The following SERGEF variants were observed in gnomAD, a reference collection of about 807,000 sequenced individuals.
SERGEF encodes the protein secretion-regulating guanine nucleotide exchange factor.
SERGEF carries 51 observed loss-of-function variants against 50.0 expected under a neutral mutation model. The observed-to-expected ratio is 1.02, with a 90% CI of 0.81 to 1.29. The LOEUF (loss-of-function observed/expected upper bound fraction) is 1.29. Among genes scored for constraint, SERGEF ranks in the 50% most tolerant of loss-of-function variants. The probability of loss-of-function intolerance (pLI) is 0.00; values close to 1 mark genes in which losing one functional copy is unlikely to be tolerated. For missense variants in SERGEF, 521 were observed against 557.0 expected (o/e 0.94, Z 0.65); for synonymous variants, 205 against 212.4 (o/e 0.97, Z 0.30).
rs529794903 is a variant in SERGEF at position 17,989,115 on chromosome 11, G to GA, written c.686-361dup. Among the ~76,000 whole-genome samples the GA allele has an allele frequency of 4.9e-3, 738 of 152,022 alleles. 6 individuals are homozygous for GA. Among genetic ancestry groups the GA allele is most frequent in the Non-Finnish European group, 8.4e-3 (568 of 67,978 alleles). On this transcript the variant is annotated intron_variant, in intron 7 of 10. Transcript: ENST00000265965. ...AAATATATGCCTATACCTTTTGTAT[G>GA]AAAAAAATGCTTTAAATTTTCAAAA...
At position 17,968,359 on chromosome 11, in the gene SERGEF, T is replaced by C. The variant is rs111640709; in HGVS notation, c.845-8723A>G. Among the ~76,000 whole-genome samples, 1,016 of 152,316 alleles carry C rather than the reference T, an allele frequency of 6.7e-3. 16 individuals carry two copies. The highest frequency in any genetic ancestry group is 0.023 in the African/African-American group (949 of 41,576). ...ATTCACAATATTGAGCAAATAGTTA[T>C]TGAGCACTTTCTATACACCAGGTGC... On this transcript the variant is annotated intron_variant, in intron 8 of 10. Transcript: ENST00000265965.
At chr11:17,979,786 G>A (rs998300268) in intron 8 of SERGEF, among the ~76,000 whole-genome samples, 17 of 152,080 alleles carry the variant, frequency 1.1e-4, no homozygotes, top group African/African-American at 3.6e-4. Context: ...CTCTATCATC[G>A]CACATCTGCA....
At chr11:17,811,630 C>T (rs1590128415) in intron 10 of SERGEF, among the ~76,000 whole-genome samples, 1 of 152,240 alleles carries the variant, frequency 6.6e-6, no homozygotes, top group East Asian at 1.9e-4. Context: ...ATCAGATATA[C>T]ACTTCCTGGC....
intron 10 of SERGEF, among the ~76,000 whole-genome samples, chr11:17,827,192 C>T (rs1850211726): frequency 6.6e-6 from 1 of 152,164 alleles, no homozygotes; most frequent in Admixed American, 6.5e-5. Context: ...CTATTGAATC[C>T]TGCCCTCTAG....
intron 9 of SERGEF, among the ~76,000 whole-genome samples, chr11:17,906,841 A>AAC (rs1339752100): frequency 5.9e-5 from 9 of 151,776 alleles, no homozygotes; most frequent in Non-Finnish European, 1.2e-4. Context: ...AAAAAAAAAA[A>AAC]ACCTCAGGGT....
intron 10 of SERGEF, among the ~76,000 whole-genome samples, chr11:17,810,821 C>A (rs1246017230): frequency 4.5e-4 from 66 of 146,994 alleles, no homozygotes; most frequent in East Asian, 2.5e-3. Context: ...AAAAAAAAAA[C>A]CACCACCAAA....
chr11:17,950,024 G>A (rs983441258), intron 9 of SERGEF, among the ~76,000 whole-genome samples: 7 of 152,210 alleles, frequency 4.6e-5, no homozygotes, highest in Non-Finnish European at 1.0e-4. Context: ...TAGATAAACT[G>A]CAGAATACAG....
At chr11:17,828,876 A>T (rs1047431185) in intron 10 of SERGEF, among the ~76,000 whole-genome samples, 1 of 152,076 alleles carries the variant, frequency 6.6e-6, no homozygotes. Context: ...GAAAATACTG[A>T]GGGTTCTTAC....
At chr11:18,001,000 A>G (rs1475021775) in intron 4 of SERGEF, among the ~76,000 whole-genome samples, 1 of 152,202 alleles carries the variant, frequency 6.6e-6, no homozygotes, top group African/African-American at 2.4e-5. Flanking sequence ...GTTTCCCAAC[A>G]TGATCTAGTC....
chr11:17,994,431 G>T (rs1305187644), intron 6 of SERGEF, among the ~76,000 whole-genome samples: 1 of 138,158 alleles, frequency 7.2e-6, no homozygotes, highest in Non-Finnish European at 1.5e-5. Context: ...AGCTGAGATC[G>T]CGCCACTGCA....
Position 17,843,249 on chromosome 11 carries a change from G to T in SERGEF, c.1048+34959C>A, listed in dbSNP as rs373655555. ...ATGAACTATATTGTCATCCTCTGCGGCCTGGCTTGGGGTTGATCTATTCTT... is the reference window on the plus strand; with the variant it reads ...ATGAACTATATTGTCATCCTCTGCGTCCTGGCTTGGGGTTGATCTATTCTT... On this transcript the variant is annotated intron_variant, in intron 10 of 10. Transcript: ENST00000265965. 1.1e-4 allele frequency among the ~76,000 whole-genome samples: 16 copies of T among 152,222 alleles called. No individual in the cohort carries two copies. In the East Asian group the frequency reaches 3.1e-3, roughly 29 times the overall value.
At chr11:17,794,970 C>A (rs1162018517) in intron 10 of SERGEF, among the ~76,000 whole-genome samples, 1 of 152,122 alleles carries the variant, frequency 6.6e-6, no homozygotes, top group Admixed American at 6.5e-5. Flanking sequence ...GAGGCCCTGC[C>A]CCCTTCTGCA....
intron 10 of SERGEF, among the ~76,000 whole-genome samples, chr11:17,837,983 A>T (rs1850435099): frequency 6.6e-6 from 1 of 152,104 alleles, no homozygotes; most frequent in African/African-American, 2.4e-5. Context: ...TCTTTTCTTT[A>T]TAAATTACCC....
chr11:18,006,849 CT>C (rs1273116814), intron 2 of SERGEF, 103 bp from the exon 3 acceptor site: 11 of 1,343,930 alleles, frequency 8.2e-6, no homozygotes, highest in South Asian at 6.2e-5. Flanking sequence ...AGACCAATAA[CT>C]TTTTTTGCCA....
In SERGEF at chr11:18,004,453, G is replaced by A; in HGVS notation, c.435C>T (p.Pro145=). 1 of 1,613,192 alleles carries A rather than the reference G, an allele frequency of 6.2e-7. No individual in the cohort carries two copies. The highest frequency in any genetic ancestry group is 8.5e-7 in the Non-Finnish European group (1 of 1,179,326). ...TAACTGTCCTCACCTCAATGGCCTG[G>A]GGAACCACACATCTTCGAGGTCCAT... ...VPHGPRRCVV[P]QAIELHKEKV... Residue 145 remains proline (P), a synonymous_variant, in exon 4 of 11, where the codon CCC becomes CCT. Coordinates refer to ENST00000265965, the MANE Select transcript of SERGEF (RefSeq NM_012139.4).
chr11:17,828,545 C>G (rs927934646), intron 10 of SERGEF, among the ~76,000 whole-genome samples: 1 of 152,204 alleles, frequency 6.6e-6, no homozygotes, highest in African/African-American at 2.4e-5. Flanking sequence ...ATTTTGTCAT[C>G]TTGATTCTTC....
chr11:17,962,561 T>A (rs1853029091), intron 8 of SERGEF, among the ~76,000 whole-genome samples: 1 of 152,140 alleles, frequency 6.6e-6, no homozygotes, highest in Non-Finnish European at 1.5e-5. Flanking sequence ...AGGTAAATGA[T>A]AAATGACAGA....
At chr11:17,992,735 G>T (rs1368287526) in intron 7 of SERGEF, among the ~76,000 whole-genome samples, 196 bp downstream of exon 7, 1 of 152,140 alleles carries the variant, frequency 6.6e-6, no homozygotes, top group Non-Finnish European at 1.5e-5. Flanking sequence ...TCTCGTAACT[G>T]CCCACAAAGT....
At chr11:17,826,593 G>A (rs1195089371) in intron 10 of SERGEF, among the ~76,000 whole-genome samples, 3 of 152,146 alleles carry the variant, frequency 2.0e-5, no homozygotes, top group Non-Finnish European at 4.4e-5. Flanking sequence ...AAAATGTTCT[G>A]GAGATGGATG....
Sources: gnomAD v4.1 joint callset for allele counts (sites outside exome capture counted in the v4.1 genomes callset) on GRCh38, gnomAD v4.1.1 for gene constraint, MANE v1.5 for transcripts, NCBI Gene and HGNC (gene_info 2026-07-23, HGNC 2026-07-21) for gene names.